Variants in ZFAND3 observed in about 807,000 individuals in gnomAD.
ZFAND3 encodes the protein zinc finger AN1-type containing 3.
Under a neutral mutation model 29.6 loss-of-function variants are expected in ZFAND3, and 10 were observed. The observed-to-expected ratio is 0.34, with a 90% confidence interval of 0.21 to 0.57. The LOEUF is 0.57. ZFAND3 is among the 20% of genes least tolerant of loss of function. The probability of loss-of-function intolerance (pLI) is 0.86; values close to 1 mark genes in which losing one functional copy is unlikely to be tolerated. For missense variants in ZFAND3, 230 were observed against 304.5 expected, an observed-to-expected ratio of 0.76 and a Z score of 1.82; for synonymous variants, 128 against 112.6, an observed-to-expected ratio of 1.14 and a Z score of -0.87.
chr6:37,854,381 T>G (rs191129672), intron 1 of ZFAND3, among the ~76,000 whole-genome samples: 117 of 152,364 alleles, frequency 7.7e-4, no homozygotes, highest in African/African-American at 2.7e-3. Context: ...ATTATTGATT[T>G]AATTTCACAT....
chr6:37,824,950 T>A (rs1331372713), intron 1 of ZFAND3, among the ~76,000 whole-genome samples: 1 of 152,236 alleles, frequency 6.6e-6, no homozygotes, highest in Non-Finnish European at 1.5e-5. Flanking sequence ...GAAAGTTGAT[T>A]GAAAACATAA....
chr6:37,896,554 C>CTTTCTTTCTTTCTTTCTTTTCT (rs1554153843), intron 1 of ZFAND3, among the ~76,000 whole-genome samples: 3 of 137,698 alleles, frequency 2.2e-5, no homozygotes, highest in African/African-American at 8.4e-5. Flanking sequence ...TTCTTTCTTT[C>CTTTCTTTCTTTCTTTCTTTTCT]TTTCTTTCTT....
At chr6:37,900,613 CTTG>C (rs1391282668) in intron 1 of ZFAND3, among the ~76,000 whole-genome samples, 2 of 152,054 alleles carry the variant, frequency 1.3e-5, no homozygotes, top group South Asian at 2.1e-4. Flanking sequence ...ACATTACTTG[CTTG>C]TTGTTAGTAT....
intron 3 of ZFAND3, among the ~76,000 whole-genome samples, chr6:38,064,108 A>G (rs1019317634): frequency 6.6e-6 from 1 of 152,144 alleles, no homozygotes; most frequent in Non-Finnish European, 1.5e-5. Flanking sequence ...TTTATACCCA[A>G]TTTTGCATAA....
At chr6:37,929,336 G>A (rs902719938) in intron 1 of ZFAND3, among the ~76,000 whole-genome samples, 3 of 152,246 alleles carry the variant, frequency 2.0e-5, no homozygotes, top group Admixed American at 6.5e-5. Context: ...TAATGTATGC[G>A]AAATGCCCAT....
chr6:37,960,102 G>T (rs1339292685), intron 2 of ZFAND3, among the ~76,000 whole-genome samples: 1 of 152,148 alleles, frequency 6.6e-6, no homozygotes, highest in African/African-American at 2.4e-5. Context: ...TCAAGATACC[G>T]CAGTGTAGCA....
chr6:37,921,122 T>A (rs1030791759), intron 1 of ZFAND3, among the ~76,000 whole-genome samples: 1 of 152,022 alleles, frequency 6.6e-6, no homozygotes, highest in Non-Finnish European at 1.5e-5. Context: ...CTCTTACCCA[T>A]CCCTCCCCTT....
chr6:38,069,306 A>C (rs1764406873), intron 3 of ZFAND3, among the ~76,000 whole-genome samples: 1 of 152,154 alleles, frequency 6.6e-6, no homozygotes. Context: ...GTTTTAAGTG[A>C]AATATGGTGG....
chr6:37,844,742 C>T (rs1248982078), intron 1 of ZFAND3, among the ~76,000 whole-genome samples: 2 of 148,804 alleles, frequency 1.3e-5, no homozygotes, highest in Admixed American at 6.7e-5. Flanking sequence ...CGGCTGGGCG[C>T]GGTGGCTTAC....
intron 1 of ZFAND3, among the ~76,000 whole-genome samples, chr6:37,820,376 G>A (rs1763642457): frequency 6.6e-6 from 1 of 152,206 alleles, no homozygotes; most frequent in African/African-American, 2.4e-5. Context: ...GCATGTGGAA[G>A]CCAGCCCTTC....
intron 2 of ZFAND3, 83 bp downstream of exon 2, chr6:37,930,082 T>C (rs751082844): frequency 8.1e-5 from 112 of 1,374,896 alleles, no homozygotes; most frequent in Non-Finnish European, 1.0e-4. Flanking sequence ...ACTAAATCAT[T>C]TGACCCTAAA....
intron 2 of ZFAND3, among the ~76,000 whole-genome samples, chr6:38,041,631 T>TTCTTCTTCTTCTTCTTCTTC (rs1561976605): frequency 8.9e-5 from 5 of 56,196 alleles, no homozygotes; most frequent in African/African-American, 2.7e-4. Context: ...TTATCTACTT[T>TTCTTCTTCTTCTTCTTCTTC]TTCTTCTTCT....
chr6:38,011,994 A>G (rs1407765117), intron 2 of ZFAND3, among the ~76,000 whole-genome samples: 2 of 152,188 alleles, frequency 1.3e-5, no homozygotes, highest in Non-Finnish European at 2.9e-5. Context: ...TAGACATTTG[A>G]TAGTTGGGAT....
At chr6:38,056,285 T>C (rs189125470) in intron 2 of ZFAND3, among the ~76,000 whole-genome samples, 1 of 152,306 alleles carries the variant, frequency 6.6e-6, no homozygotes, top group East Asian at 1.9e-4. Flanking sequence ...GAAACAGTCA[T>C]GATTCCTTGC....
chr6:37,939,443 C>G (rs1039810252), intron 2 of ZFAND3, among the ~76,000 whole-genome samples: 3 of 152,204 alleles, frequency 2.0e-5, no homozygotes, highest in Admixed American at 6.5e-5. Context: ...CCCGGATTAT[C>G]TCATCTGGAA....
At chr6:37,997,570 C>T (rs991896641) in intron 2 of ZFAND3, among the ~76,000 whole-genome samples, 2 of 152,158 alleles carry the variant, frequency 1.3e-5, no homozygotes, top group Non-Finnish European at 2.9e-5. Context: ...GAAGTTAAGA[C>T]AGCCACTGCA....
At chr6:38,075,995 G>A (rs911233607) in intron 3 of ZFAND3, among the ~76,000 whole-genome samples, 4 of 151,966 alleles carry the variant, frequency 2.6e-5, no homozygotes, top group African/African-American at 9.7e-5. Context: ...CTTGTGATCC[G>A]CCTCCCTCAG....
intron 2 of ZFAND3, among the ~76,000 whole-genome samples, chr6:37,989,776 A>G (rs11754980): frequency 0.068 from 10,381 of 152,050 alleles, 429 homozygotes; most frequent in Non-Finnish European, 0.087. Flanking sequence ...AGTTTTTGTG[A>G]TTTTAGTTTT....
intron 1 of ZFAND3, among the ~76,000 whole-genome samples, chr6:37,913,978 G>T (rs552593713): frequency 6.6e-6 from 1 of 152,066 alleles, no homozygotes; most frequent in African/African-American, 2.4e-5. Context: ...GCTCACCTCA[G>T]CCTCCCGAAG....
Sources: gnomAD v4.1 joint callset for allele counts (sites outside exome capture counted in the v4.1 genomes callset) on GRCh38, gnomAD v4.1.1 for gene constraint, MANE v1.5 for transcripts, NCBI Gene and HGNC (gene_info 2026-07-23, HGNC 2026-07-21) for gene names.